CHCT1: variants seen among roughly 807,000 people sequenced by gnomAD.
CHCT1 encodes the protein CHD1 helical C-terminal domain containing protein 1.
the CHCT1 span, chr17:60,426,846 C>T: frequency 2.6e-6 from 4 of 1,568,358 alleles, no homozygotes; most frequent in Admixed American, 5.6e-5. Context: ...CGCCCGAGCA[C>T]AGCTGAGGGT....
At chr17:60,421,313 A>G in the CHCT1 span, 11 of 946,048 alleles carry the variant, frequency 1.2e-5, no homozygotes, top group Non-Finnish European at 1.3e-5. Context: ...GGACAAGTTA[A>G]AAAGTTTCTG....
the CHCT1 span, chr17:60,426,596 C>T: frequency 1.5e-6 from 2 of 1,327,214 alleles, no homozygotes; most frequent in East Asian, 5.1e-5. Context: ...ATTCCCCCAA[C>T]CCCAAACCCC....
chr17:60,422,403 C>T, the CHCT1 span: 2 of 1,422,312 alleles, frequency 1.4e-6, no homozygotes, highest in Non-Finnish European at 9.4e-7. Flanking sequence ...GCTGCAGCCA[C>T]CCCTAAGAAT....
the CHCT1 span, chr17:60,425,883 CTG>C: frequency 1.2e-5 from 18 of 1,549,662 alleles, no homozygotes; most frequent in Non-Finnish European, 1.5e-5. Flanking sequence ...ACCTTCAAAA[CTG>C]TGAGTAAAGA....
At chr17:60,425,269 A>G in the CHCT1 span, among the ~76,000 whole-genome samples, 1 of 151,784 alleles carries the variant, frequency 6.6e-6, no homozygotes, top group Non-Finnish European at 1.5e-5. Context: ...GCAACCTTCA[A>G]CTCCTGGACA....
the CHCT1 span, chr17:60,429,458 A>G: frequency 6.2e-7 from 1 of 1,614,238 alleles, no homozygotes; most frequent in Non-Finnish European, 8.5e-7. Context: ...GCTGCACAGC[A>G]ACATCAGCGG....
the CHCT1 span, among the ~76,000 whole-genome samples, chr17:60,425,006 G>T: frequency 6.6e-6 from 1 of 152,104 alleles, no homozygotes; most frequent in Non-Finnish European, 1.5e-5. Flanking sequence ...ACTACAGATG[G>T]CAGTTGGTCT....
At chr17:60,422,716 A>C in the CHCT1 span, 56 of 1,430,284 alleles carry the variant, frequency 3.9e-5, 1 homozygote, top group Non-Finnish European at 4.7e-5. Flanking sequence ...GAGAACATGA[A>C]ATTCAGGAAA....
chr17:60,427,474 G>A, the CHCT1 span, among the ~76,000 whole-genome samples: 22 of 151,638 alleles, frequency 1.5e-4, no homozygotes, highest in Non-Finnish European at 2.8e-4. Context: ...CTGGAGTGTC[G>A]TGGCGCGATC....
At chr17:60,421,881 G>C in the CHCT1 span, 1 of 985,460 alleles carries the variant, frequency 1.0e-6, no homozygotes, top group African/African-American at 1.7e-5. Context: ...ACTTGCCCGC[G>C]TCTCAGCGCC....
chr17:60,427,061 T>A, the CHCT1 span, among the ~76,000 whole-genome samples: 2 of 152,184 alleles, frequency 1.3e-5, no homozygotes, highest in Non-Finnish European at 2.9e-5. Context: ...GGAAAGTTCT[T>A]GGTTTTGCCC....
the CHCT1 span, among the ~76,000 whole-genome samples, chr17:60,423,841 A>C: frequency 6.6e-6 from 1 of 152,346 alleles, no homozygotes; most frequent in African/African-American, 2.4e-5. Context: ...ACTTTTTCTG[A>C]ATAGTCATTA....
At chr17:60,421,300 A>G in the CHCT1 span, 1 of 895,608 alleles carries the variant, frequency 1.1e-6, no homozygotes, top group Non-Finnish European at 1.3e-6. Flanking sequence ...ATGCTGGCAT[A>G]GAGGACAAGT....
chr17:60,431,392 T>C, the CHCT1 span: 3 of 653,636 alleles, frequency 4.6e-6, no homozygotes, highest in African/African-American at 3.7e-5. Context: ...ATAAATGAGG[T>C]GGGAAATAAA....
At chr17:60,427,233 C>A in the CHCT1 span, among the ~76,000 whole-genome samples, 1 of 152,110 alleles carries the variant, frequency 6.6e-6, no homozygotes, top group Non-Finnish European at 1.5e-5. Context: ...CATATTTATC[C>A]CCGCTTTTAA....
the CHCT1 span, chr17:60,426,546 A>G: frequency 8.9e-7 from 1 of 1,120,908 alleles, no homozygotes; most frequent in Non-Finnish European, 1.2e-6. Context: ...GCTCAATACC[A>G]GGATAGGATA....
the CHCT1 span, chr17:60,422,376 C>G: frequency 5.6e-6 from 7 of 1,255,870 alleles, no homozygotes; most frequent in Non-Finnish European, 7.5e-6. Context: ...TAGTCCAGAT[C>G]CCAGCTGGAG....
the CHCT1 span, among the ~76,000 whole-genome samples, chr17:60,425,247 T>A: frequency 5.3e-5 from 8 of 152,176 alleles, no homozygotes; most frequent in African/African-American, 1.9e-4. Flanking sequence ...AGTGACATGA[T>A]CTCGGCTCAC....
At chr17:60,427,756 A>G in the CHCT1 span, among the ~76,000 whole-genome samples, 2 of 152,092 alleles carry the variant, frequency 1.3e-5, no homozygotes, top group Non-Finnish European at 2.9e-5. Context: ...TGCCAAAGGT[A>G]TGATGACATG....
Sources: allele counts gnomAD v4.1 joint callset (sites outside exome capture counted in the v4.1 genomes callset), GRCh38; gene constraint gnomAD v4.1.1; transcripts MANE v1.5; gene names NCBI Gene and HGNC (gene_info 2026-07-23, HGNC 2026-07-21).